The following BLTP1 variants were observed in gnomAD, a reference collection of about 807,000 sequenced individuals.
The protein encoded by BLTP1 is bridge-like lipid transfer protein family member 1, also known as fragile site-associated protein.
the BLTP1 span, chr4:122,251,476 A>G: frequency 7.5e-6 from 7 of 938,432 alleles, no homozygotes; most frequent in African/African-American, 1.8e-5. Flanking sequence ...ATGTAGTTTA[A>G]TGAGTTTAAT....
chr4:122,347,362 G>A, the BLTP1 span: 2 of 833,332 alleles, frequency 2.4e-6, no homozygotes, highest in Non-Finnish European at 2.9e-6. Context: ...ACACTGGCAT[G>A]TTCTTTGCAA....
At chr4:122,158,200 C>T in the BLTP1 span, among the ~76,000 whole-genome samples, 2 of 152,180 alleles carry the variant, frequency 1.3e-5, no homozygotes, top group South Asian at 2.1e-4. Context: ...AAGAAACTTA[C>T]AGAATGTGTT....
the BLTP1 span, chr4:122,349,763 A>T: frequency 3.2e-6 from 5 of 1,554,760 alleles, no homozygotes; most frequent in Non-Finnish European, 3.5e-6. The surrounding 1 kb of genome is among the most constrained non-coding windows in gnomAD (Gnocchi z 4.5). Context: ...CAATTAATAC[A>T]AATTAAAAAG....
the BLTP1 span, among the ~76,000 whole-genome samples, chr4:122,285,263 A>G: frequency 3.6e-4 from 55 of 152,214 alleles, no homozygotes; most frequent in Admixed American, 1.6e-3. Context: ...GGATAAAAAC[A>G]GTAAAAGAAT....
the BLTP1 span, chr4:122,189,200 A>G: frequency 1.2e-6 from 1 of 806,184 alleles, no homozygotes; most frequent in Non-Finnish European, 1.5e-6. Flanking sequence ...TGATGATATT[A>G]AACATTAAGC....
At chr4:122,277,576 T>G in the BLTP1 span, 11 of 957,132 alleles carry the variant, frequency 1.1e-5, no homozygotes, top group African/African-American at 1.9e-4. Context: ...TCAAGAAAGA[T>G]CGTATCTTTG....
At chr4:122,347,760 T>G in the BLTP1 span, 5 of 1,613,526 alleles carry the variant, frequency 3.1e-6, no homozygotes, top group Non-Finnish European at 4.2e-6. Context: ...GTGTATCTGA[T>G]TCTTCAGTTC....
At chr4:122,334,791 T>A in the BLTP1 span, among the ~76,000 whole-genome samples, 5 of 152,082 alleles carry the variant, frequency 3.3e-5, no homozygotes, top group Non-Finnish European at 7.4e-5. Flanking sequence ...CGTAATTAAA[T>A]TTTTAGGTCT....
chr4:122,253,926 A>C, the BLTP1 span, among the ~76,000 whole-genome samples: 1 of 152,198 alleles, frequency 6.6e-6, no homozygotes, highest in Non-Finnish European at 1.5e-5. Flanking sequence ...ATAACATACG[A>C]TGGAGCTCTG....
chr4:122,336,198 GA>G, the BLTP1 span: 3 of 1,589,410 alleles, frequency 1.9e-6, no homozygotes, highest in South Asian at 1.2e-5. Flanking sequence ...CTAGCCAAAG[GA>G]AAAGGAAGTG....
At chr4:122,291,939 C>A in the BLTP1 span, 2 of 312,314 alleles carry the variant, frequency 6.4e-6, no homozygotes, top group Non-Finnish European at 4.6e-6. Context: ...ACAAATAGGC[C>A]TTTAAGGTGT....
the BLTP1 span, chr4:122,189,515 TTGAA>T: frequency 1.2e-6 from 1 of 840,694 alleles, no homozygotes. Flanking sequence ...TTTAATGTTT[TTGAA>T]TGATTATAGT....
the BLTP1 span, among the ~76,000 whole-genome samples, chr4:122,319,855 A>ATTCC: frequency 1.3e-5 from 2 of 151,852 alleles, no homozygotes; most frequent in African/African-American, 4.8e-5. Context: ...TATAATTTTT[A>ATTCC]AAAATGTGTT....
the BLTP1 span, chr4:122,348,658 T>C: frequency 1.9e-6 from 3 of 1,612,656 alleles, no homozygotes; most frequent in Non-Finnish European, 2.5e-6. Flanking sequence ...TCGTGTTTGC[T>C]ATCAACTTGA....
chr4:122,168,277 T>C, the BLTP1 span, among the ~76,000 whole-genome samples: 6 of 152,318 alleles, frequency 3.9e-5, no homozygotes, highest in South Asian at 1.0e-3. Flanking sequence ...GGTTTGTTAC[T>C]GTGGTAGGTC....
the BLTP1 span, chr4:122,324,279 C>A: frequency 1.4e-6 from 1 of 700,700 alleles, no homozygotes; most frequent in Non-Finnish European, 2.1e-6. Context: ...TAGCTGATTC[C>A]TCCTCTATTT....
the BLTP1 span, among the ~76,000 whole-genome samples, chr4:122,218,738 A>G: frequency 6.6e-6 from 1 of 152,238 alleles, no homozygotes; most frequent in Admixed American, 6.5e-5. Context: ...TTTTCATGCA[A>G]AAGAAAACAG....
the BLTP1 span, chr4:122,237,937 C>T: frequency 3.0e-5 from 11 of 368,056 alleles, no homozygotes; most frequent in South Asian, 6.8e-4. Context: ...GAGCCAAGAT[C>T]GTGCCACTGT....
At chr4:122,183,420 A>G in the BLTP1 span, 1 of 982,888 alleles carries the variant, frequency 1.0e-6, no homozygotes. Flanking sequence ...CTAAAATCAG[A>G]AAATTCTAAA....
Sources: allele counts gnomAD v4.1 joint callset (sites outside exome capture counted in the v4.1 genomes callset), GRCh38; gene constraint gnomAD v4.1.1; non-coding constraint Gnocchi (gnomAD v3.1); transcripts MANE v1.5; gene names NCBI Gene and HGNC (gene_info 2026-07-23, HGNC 2026-07-21).